The following ITGA11 variants were observed in gnomAD, a reference collection of about 807,000 sequenced individuals.
ITGA11 encodes the protein integrin alpha-11.
ITGA11 carries 97 observed loss-of-function variants against 141.9 expected under a neutral mutation model. The observed-to-expected ratio is 0.68, with a 90% CI of 0.58 to 0.81. The LOEUF (loss-of-function observed/expected upper bound fraction) is 0.81. Among genes scored for constraint, ITGA11 ranks in the 30% least tolerant of loss-of-function variants. The probability of loss-of-function intolerance (pLI) is 0.00; values close to 1 mark genes in which losing one functional copy is unlikely to be tolerated. For synonymous variants in ITGA11, 658 were observed against 624.6 expected, an observed-to-expected ratio of 1.05 and a Z score of -0.80; for missense variants, 1,387 against 1,559.2, an observed-to-expected ratio of 0.89 and a Z score of 1.86.
rs79921170 is a variant in ITGA11, at chr15:68,319,852, C to T, written c.2616+333G>A. ...CACTGAGGGAGCTTTAAAAGCCTCC[C>T]GATGCCAGGCCCAACCCCAGAGCAA... is the stretch of plus-strand genomic sequence containing the variant. On this transcript the variant is annotated intron_variant, in intron 20 of 29. Transcript: ENST00000315757. Among the ~76,000 whole-genome samples, 74 of 152,256 alleles carry T rather than the reference C, an allele frequency of 4.9e-4. 1 individual carries two copies. The highest frequency in any genetic ancestry group is 7.8e-4 in the Non-Finnish European group (53 of 68,022).
At chr15:68,374,177 CTGAG>C (rs1376846899) in intron 2 of ITGA11, among the ~76,000 whole-genome samples, 1 of 152,214 alleles carries the variant, frequency 6.6e-6, no homozygotes, top group African/African-American at 2.4e-5. Context: ...CCTGGACTTA[CTGAG>C]TAAGTGGTGG....
intron 11 of ITGA11, among the ~76,000 whole-genome samples, chr15:68,339,248 A>G (rs1337892749): frequency 6.6e-6 from 1 of 152,182 alleles, no homozygotes; most frequent in African/African-American, 2.4e-5. Flanking sequence ...CATTGAAGGG[A>G]GTGGGGAACT....
chr15:68,313,000 G>A, intron 23 of ITGA11, 137 bp from the exon 24 acceptor site: 1 of 628,110 alleles, frequency 1.6e-6, no homozygotes, highest in Non-Finnish European at 2.9e-6. Context: ...TCGGCTGGGA[G>A]TGAGTGTCAT....
Position 68,340,448 on chromosome 15 carries a change from T to C in ITGA11, c.1132-804A>G, listed in dbSNP as rs555137544. ...CTGAGGCTGGAGAGAGCACGGAACC[T>C]TTGTTCATAAGGAACTGAACGCTGT... is the stretch of plus-strand genomic sequence containing the variant. On this transcript the variant is annotated intron_variant, in intron 10 of 29. Coordinates refer to ENST00000315757, the MANE Select transcript of ITGA11 (RefSeq NM_001004439.2). 1.5e-3 allele frequency among the ~76,000 whole-genome samples: 235 copies of C among 152,236 alleles called. 1 individual carries two copies. Among genetic ancestry groups the C allele is most frequent in the African/African-American group, 5.4e-3 (226 of 41,544 alleles).
rs1893172449 is a variant in ITGA11 at position 68,305,775 on chromosome 15, A to G, written c.3381+1573T>C. Among the ~76,000 whole-genome samples the G allele has an allele frequency of 6.6e-6, 1 of 152,166 alleles. No homozygotes were observed. The highest frequency in any genetic ancestry group is 2.4e-5 in the African/African-American group (1 of 41,428). On this transcript the variant is annotated intron_variant, in intron 28 of 29. Coordinates refer to ENST00000315757, the MANE Select transcript of ITGA11 (RefSeq NM_001004439.2). This position sits in a 1 kb window ranked among gnomAD's most constrained non-coding sequence, Gnocchi z 4.6. ...GGGGCCAGCAAATGGCAGGGCCCTTATGTGTGCTCTTTCTGTCCCTCAAGG... is the reference window on the plus strand; with the variant it reads ...GGGGCCAGCAAATGGCAGGGCCCTTGTGTGTGCTCTTTCTGTCCCTCAAGG...
chr15:68,405,457 C>T (rs929261010), intron 1 of ITGA11, among the ~76,000 whole-genome samples: 4 of 152,066 alleles, frequency 2.6e-5, no homozygotes, highest in East Asian at 3.9e-4. Context: ...CCCACTCTAT[C>T]GTCACGATTC....
At chr15:68,379,500 A>G (rs1895808446) in intron 2 of ITGA11, among the ~76,000 whole-genome samples, 1 of 152,238 alleles carries the variant, frequency 6.6e-6, no homozygotes, top group Admixed American at 6.5e-5. Flanking sequence ...AGATAGAGGA[A>G]GCTGCTCATT....
intron 1 of ITGA11, among the ~76,000 whole-genome samples, chr15:68,415,219 C>G (rs986531222): frequency 6.6e-6 from 1 of 152,258 alleles, no homozygotes; most frequent in African/African-American, 2.4e-5. Flanking sequence ...CCGCCAGCCA[C>G]TGGCCTTCCT....
chr15:68,314,434 G>A (rs1470264153), intron 22 of ITGA11, among the ~76,000 whole-genome samples: 1 of 152,158 alleles, frequency 6.6e-6, no homozygotes, highest in African/African-American at 2.4e-5. Context: ...TTATATCTGA[G>A]CACCATGAAC....
intron 10 of ITGA11, among the ~76,000 whole-genome samples, chr15:68,344,746 G>T (rs1226133866): frequency 2.0e-5 from 3 of 152,158 alleles, no homozygotes; most frequent in African/African-American, 7.2e-5. Flanking sequence ...CACTGGTCCT[G>T]TTAGGTCATC....
chr15:68,317,510 C>T (rs983440805), intron 20 of ITGA11, 147 bp from the exon 21 acceptor site: 1 of 646,646 alleles, frequency 1.5e-6, no homozygotes, highest in Non-Finnish European at 2.8e-6. Flanking sequence ...CACAGCCCTT[C>T]TGATGTCTGA....
chr15:68,406,028 C>T (rs1405513075), intron 1 of ITGA11, among the ~76,000 whole-genome samples: 1 of 152,102 alleles, frequency 6.6e-6, no homozygotes, highest in Non-Finnish European at 1.5e-5. Flanking sequence ...TGCATCTGAC[C>T]CAGCAGGAAA....
At chr15:68,344,784 A>G (rs1248353239) in intron 10 of ITGA11, among the ~76,000 whole-genome samples, 1 of 152,152 alleles carries the variant, frequency 6.6e-6, no homozygotes, top group African/African-American at 2.4e-5. Flanking sequence ...CCTCACCTTT[A>G]GGTACAAGAG....
chr15:68,421,027 C>T (rs1247587742), intron 1 of ITGA11, among the ~76,000 whole-genome samples: 1 of 8,992 alleles, frequency 1.1e-4, no homozygotes, highest in Non-Finnish European at 2.3e-4. Context: ...GGCAGGATGC[C>T]GGAGTGTGTG....
In ITGA11 at chr15:68,322,503, A is replaced by G. The variant is rs1200840199; in HGVS notation, c.2323-1000T>C. On this transcript the variant is annotated intron_variant, in intron 18 of 29. Coordinates refer to ENST00000315757, the MANE Select transcript of ITGA11 (RefSeq NM_001004439.2). This position sits in a 1 kb window ranked among gnomAD's most constrained non-coding sequence, Gnocchi z 5.6. The stretch of plus-strand genomic sequence containing the variant: ...TGGAGGTTGTCGGGGCTGAGGGAGA[A>G]AGGGGTCCAGGGTGTCAGCTGAGTT... Among the ~76,000 whole-genome samples the G allele has an allele frequency of 6.6e-6, 1 of 151,994 alleles. No homozygotes were observed. Among genetic ancestry groups the G allele is most frequent in the Non-Finnish European group, 1.5e-5 (1 of 67,980 alleles).
At chr15:68,312,673 GGAC>G in intron 24 of ITGA11, 97 bp downstream of exon 24, 1 of 857,622 alleles carries the variant, frequency 1.2e-6, no homozygotes, top group Non-Finnish European at 1.8e-6. Context: ...GGTTGAGGCT[GGAC>G]TCCGGGCACT....
intron 12 of ITGA11, among the ~76,000 whole-genome samples, chr15:68,334,835 G>A (rs555828705): frequency 4.8e-4 from 73 of 152,294 alleles, no homozygotes; most frequent in South Asian, 4.1e-4. Flanking sequence ...TCTAGCCCTC[G>A]ATTCCCAAAA....
chr15:68,414,622 T>A (rs1896846453), intron 1 of ITGA11, among the ~76,000 whole-genome samples: 1 of 152,134 alleles, frequency 6.6e-6, no homozygotes, highest in African/African-American at 2.4e-5. Flanking sequence ...GTGTTCCGCC[T>A]CCTCTGGACT....
intron 21 of ITGA11, among the ~76,000 whole-genome samples, chr15:68,316,399 C>T (rs370608266): frequency 2.6e-5 from 4 of 152,234 alleles, no homozygotes; most frequent in East Asian, 3.9e-4. Flanking sequence ...ACCCCTGATG[C>T]GCTCCCTGGT....
Sources: allele counts gnomAD v4.1 joint callset (sites outside exome capture counted in the v4.1 genomes callset), GRCh38; gene constraint gnomAD v4.1.1; non-coding constraint Gnocchi (gnomAD v3.1); transcripts MANE v1.5; gene names NCBI Gene and HGNC (gene_info 2026-07-23, HGNC 2026-07-21).